Variants in ATF6 observed in about 807,000 individuals in gnomAD.
ATF6 encodes the protein cyclic AMP-dependent transcription factor ATF-6 alpha.
A neutral mutation model predicts 83.6 loss-of-function variants in ATF6; 53 were observed. That is an observed-to-expected ratio of 0.63 (90% confidence interval 0.51 to 0.80). The LOEUF is 0.80. Ranked by LOEUF, ATF6 falls within the 30% of genes least tolerant of loss-of-function variation. The pLI is 0.00. For synonymous variants in ATF6, 288 were observed against 285.8 expected, an observed-to-expected ratio of 1.01 and a Z score of -0.08; for missense variants, 744 against 797.9, an observed-to-expected ratio of 0.93 and a Z score of 0.81.
At chr1:161,951,864 G>A (rs144412872) in intron 15 of ATF6, among the ~76,000 whole-genome samples, 115 of 152,228 alleles carry the variant, frequency 7.6e-4, no homozygotes, top group African/African-American at 2.7e-3. Context: ...ACGGTTTTGT[G>A]GATCCATTTT....
At chr1:161,771,823 C>T (rs761941975) in intron 1 of ATF6, among the ~76,000 whole-genome samples, 62 of 152,146 alleles carry the variant, frequency 4.1e-4, no homozygotes, top group Non-Finnish European at 7.9e-4. Context: ...CTTACTGTTA[C>T]TTTCTTCACC....
chr1:161,874,414 T>A (rs1558006008), intron 14 of ATF6, among the ~76,000 whole-genome samples: 1 of 151,732 alleles, frequency 6.6e-6, no homozygotes, highest in Non-Finnish European at 1.5e-5. Flanking sequence ...TTTTGAATAA[T>A]TTATTTGGAG....
intron 14 of ATF6, among the ~76,000 whole-genome samples, chr1:161,893,154 TTTTC>T (rs369238623): frequency 8.5e-5 from 13 of 152,136 alleles, no homozygotes; most frequent in Admixed American, 4.6e-4. Flanking sequence ...GGAAACTTTA[TTTTC>T]TTTCTTTCTT....
intron 15 of ATF6, among the ~76,000 whole-genome samples, chr1:161,957,123 G>A (rs547425584): frequency 6.6e-6 from 1 of 151,676 alleles, no homozygotes; most frequent in African/African-American, 2.4e-5. Context: ...GTCAGACTTT[G>A]CATTTTCTTC....
chr1:161,830,505 A>G (rs1373622966), intron 9 of ATF6, among the ~76,000 whole-genome samples: 1 of 152,202 alleles, frequency 6.6e-6, no homozygotes, highest in Non-Finnish European at 1.5e-5. Context: ...TCCTAAGCCA[A>G]AAGAACAAAG....
intron 9 of ATF6, among the ~76,000 whole-genome samples, chr1:161,838,509 C>G (rs1396572377): frequency 2.0e-5 from 3 of 152,178 alleles, no homozygotes; most frequent in African/African-American, 7.2e-5. Flanking sequence ...TTCAGATTGG[C>G]TCATTCACAT....
At chr1:161,872,876 G>A (rs1158908181) in intron 14 of ATF6, among the ~76,000 whole-genome samples, 1 of 151,502 alleles carries the variant, frequency 6.6e-6, no homozygotes, top group African/African-American at 2.4e-5. Context: ...CTAAGAGTGT[G>A]TATGTATGTG....
intron 6 of ATF6, among the ~76,000 whole-genome samples, chr1:161,800,383 A>G (rs904921312): frequency 1.4e-4 from 22 of 152,330 alleles, no homozygotes; most frequent in Non-Finnish European, 2.5e-4. Context: ...AAGTTTGCAT[A>G]CAGTGAACCA....
intron 15 of ATF6, among the ~76,000 whole-genome samples, chr1:161,940,842 G>A (rs1350172394): frequency 6.6e-6 from 1 of 152,084 alleles, no homozygotes; most frequent in Non-Finnish European, 1.5e-5. Context: ...GATTACAGGC[G>A]TGAGCCACCG....
Position 161,867,156 on chromosome 1 carries a change from G to C in ATF6, c.1719+3844G>C, listed in dbSNP as rs141993382. 5.1e-3 allele frequency among the ~76,000 whole-genome samples: 776 copies of C among 152,160 alleles called. 1 individual carries two copies. The highest frequency in any genetic ancestry group is 8.1e-3 in the Non-Finnish European group (551 of 67,992). ...AAAAATACAAAAAAATTAGCCGGGC[G>C]TGGTGGTGGGCACCTGTAGTCCCAG... On this transcript the variant is annotated intron_variant, in intron 14 of 15. Coordinates refer to ENST00000367942, the MANE Select transcript of ATF6 (RefSeq NM_007348.4).
At chr1:161,805,297 C>T (rs1685252103) in intron 7 of ATF6, among the ~76,000 whole-genome samples, 1 of 151,972 alleles carries the variant, frequency 6.6e-6, no homozygotes, top group Admixed American at 6.6e-5. Flanking sequence ...AGTACAAAAG[C>T]CAAACAGACA....
chr1:161,942,176 T>G (rs1688660102), intron 15 of ATF6, among the ~76,000 whole-genome samples: 1 of 152,204 alleles, frequency 6.6e-6, no homozygotes, highest in Non-Finnish European at 1.5e-5. Context: ...TTTCATACAG[T>G]GGTGTTAGAA....
At chr1:161,781,414 G>A (rs1684632751) in intron 2 of ATF6, among the ~76,000 whole-genome samples, 1 of 152,140 alleles carries the variant, frequency 6.6e-6, no homozygotes, top group East Asian at 1.9e-4. Flanking sequence ...AGAAATTTAG[G>A]AAGTATAGAA....
chr1:161,866,624 T>C (rs535982651), intron 14 of ATF6, among the ~76,000 whole-genome samples: 4 of 152,334 alleles, frequency 2.6e-5, no homozygotes, highest in African/African-American at 9.6e-5. Context: ...ATTTGTTTGT[T>C]TTAGTATGAT....
intron 14 of ATF6, among the ~76,000 whole-genome samples, chr1:161,900,765 T>C (rs1034768404): frequency 2.6e-5 from 4 of 152,134 alleles, no homozygotes; most frequent in Admixed American, 2.6e-4. Flanking sequence ...GACATGTTCA[T>C]TCTGTAAGTT....
intron 4 of ATF6, among the ~76,000 whole-genome samples, chr1:161,788,403 A>G (rs1684797433): frequency 6.6e-6 from 1 of 151,328 alleles, no homozygotes; most frequent in South Asian, 2.1e-4. Context: ...TTTTCTACTC[A>G]GTTGTTGTCT....
In ATF6 at chr1:161,958,941, T is replaced by TA. The variant is rs1689024879; in HGVS notation, c.*290dup. Reference sequence around the variant, plus strand: ...GTAGATTTTTTTTTCTGTACCTTTCTAAACCTCTCTTCCCTCTGTGATGGT... The same window carrying TA: ...GTAGATTTTTTTTTCTGTACCTTTCTAAAACCTCTCTTCCCTCTGTGATGGT... On this transcript the variant is annotated 3_prime_UTR_variant, in exon 16 of 16. Coordinates refer to ENST00000367942, the MANE Select transcript of ATF6 (RefSeq NM_007348.4). 4 of 271,004 alleles carry TA rather than the reference T, an allele frequency of 1.5e-5. No individual in the cohort carries two copies. The highest frequency in any genetic ancestry group is 7.0e-6 in the Non-Finnish European group (1 of 143,386). 16.8% of individuals were successfully genotyped at this position (271,004 alleles called of 1,614,324 possible).
chr1:161,834,572 C>T (rs1686163183), intron 9 of ATF6, among the ~76,000 whole-genome samples: 1 of 138,030 alleles, frequency 7.2e-6, no homozygotes, highest in Admixed American at 8.4e-5. Flanking sequence ...GGGAATTGAA[C>T]AATGAGAACA....
intron 14 of ATF6, among the ~76,000 whole-genome samples, chr1:161,894,521 C>CTTTTTTTTTTTTTTTTTTTTT (rs71093131): frequency 2.2e-5 from 1 of 44,850 alleles, no homozygotes; most frequent in African/African-American, 6.6e-5. Context: ...GTTTTGTAGT[C>CTTTTTTTTTTTTTTTTTTTTT]TTTTTTTTTT....
Sources: gnomAD v4.1 joint callset for allele counts (sites outside exome capture counted in the v4.1 genomes callset) on GRCh38, gnomAD v4.1.1 for gene constraint, MANE v1.5 for transcripts, NCBI Gene and HGNC (gene_info 2026-07-23, HGNC 2026-07-21) for gene names.